Variants in CFAP299 observed in about 807,000 individuals in gnomAD.
The protein encoded by CFAP299 is cilia- and flagella-associated protein 299.
A neutral mutation model predicts 27.0 loss-of-function variants in CFAP299; 21 were observed. The ratio of observed to expected loss-of-function variants is 0.78; its 90% CI spans 0.55 to 1.12. CFAP299 has a LOEUF of 1.12. Among genes scored for constraint, CFAP299 ranks in the 50% most tolerant of loss-of-function variants. CFAP299 has a pLI of 0.00. For missense variants in CFAP299, 310 were observed against 276.6 expected, an observed-to-expected ratio of 1.12 and a Z score of -0.86; for synonymous variants, 104 against 98.1, an observed-to-expected ratio of 1.06 and a Z score of -0.36.
At chr4:80,692,049 A>T (rs1192846460) in intron 3 of CFAP299, among the ~76,000 whole-genome samples, 1 of 152,250 alleles carries the variant, frequency 6.6e-6, no homozygotes, top group East Asian at 1.9e-4. Flanking sequence ...AAAAGAGGAT[A>T]CAAACAAATG....
intron 2 of CFAP299, among the ~76,000 whole-genome samples, chr4:80,511,243 A>G (rs1196583593): frequency 6.6e-6 from 1 of 152,174 alleles, no homozygotes; most frequent in South Asian, 2.1e-4. Flanking sequence ...AGTAATTACA[A>G]AGATGAACTA....
intron 2 of CFAP299, among the ~76,000 whole-genome samples, chr4:80,422,032 T>C (rs559547706): frequency 6.6e-6 from 1 of 152,286 alleles, no homozygotes; most frequent in South Asian, 2.1e-4. Context: ...CTTCATGGGA[T>C]AAAATACGTG....
chr4:80,627,191 T>C (rs1251278308), intron 3 of CFAP299, among the ~76,000 whole-genome samples: 2 of 151,882 alleles, frequency 1.3e-5, no homozygotes, highest in Admixed American at 6.6e-5. Flanking sequence ...GATGGTCCTA[T>C]ATATGCAAAT....
intron 3 of CFAP299, among the ~76,000 whole-genome samples, chr4:80,588,828 C>A (rs1165054283): frequency 1.3e-5 from 2 of 152,102 alleles, no homozygotes; most frequent in African/African-American, 4.8e-5. Context: ...TTCATAAGTG[C>A]TTTATATCCT....
At chr4:80,443,708 G>A (rs924064746) in intron 2 of CFAP299, among the ~76,000 whole-genome samples, 11 of 152,026 alleles carry the variant, frequency 7.2e-5, no homozygotes. Context: ...AAGAAATAAA[G>A]GGTATTCAAA....
intron 3 of CFAP299, among the ~76,000 whole-genome samples, chr4:80,583,641 A>G (rs776704859): frequency 3.3e-5 from 5 of 151,938 alleles, no homozygotes; most frequent in South Asian, 2.1e-4. Flanking sequence ...TGTTATCATT[A>G]TTATTTTGAA....
At chr4:80,624,246 C>G (rs975807900) in intron 3 of CFAP299, among the ~76,000 whole-genome samples, 2 of 151,366 alleles carry the variant, frequency 1.3e-5, no homozygotes, top group Admixed American at 6.6e-5. Context: ...AGAAACAAAT[C>G]AACAAAATGA....
chr4:80,891,786 A>AAT (rs1734300672), intron 4 of CFAP299, among the ~76,000 whole-genome samples: 1 of 99,396 alleles, frequency 1.0e-5, no homozygotes, highest in African/African-American at 7.0e-5. Context: ...ATTAAAAAAA[A>AAT]AATAAAAAAA....
chr4:80,325,373 A>G, the CFAP299 span, among the ~76,000 whole-genome samples: 1 of 152,254 alleles, frequency 6.6e-6, no homozygotes, highest in Non-Finnish European at 1.5e-5. Context: ...ATTTATAACA[A>G]CTTTTCATTT....
At chr4:80,391,863 A>T (rs990292111) in intron 2 of CFAP299, among the ~76,000 whole-genome samples, 5 of 152,166 alleles carry the variant, frequency 3.3e-5, no homozygotes, top group Non-Finnish European at 5.9e-5. Flanking sequence ...AATGTCAGCC[A>T]GTGAAGAAAG....
At chr4:80,633,933 T>C (rs1320543550) in intron 3 of CFAP299, among the ~76,000 whole-genome samples, 1 of 151,632 alleles carries the variant, frequency 6.6e-6, no homozygotes, top group African/African-American at 2.4e-5. Flanking sequence ...AGCCATGGAG[T>C]TATTGCAATA....
chr4:80,791,805 A>C (rs1007690992), intron 3 of CFAP299, among the ~76,000 whole-genome samples: 1 of 151,916 alleles, frequency 6.6e-6, no homozygotes, highest in Non-Finnish European at 1.5e-5. Flanking sequence ...AGGGAAGTTG[A>C]GACCATATTC....
intron 3 of CFAP299, among the ~76,000 whole-genome samples, chr4:80,653,700 A>T (rs1740419715): frequency 6.6e-6 from 1 of 152,180 alleles, no homozygotes; most frequent in African/African-American, 2.4e-5. Flanking sequence ...TATCAAGAAA[A>T]ACTTCATTTT....
chr4:80,780,173 C>T (rs970231998), intron 3 of CFAP299, among the ~76,000 whole-genome samples: 21 of 152,160 alleles, frequency 1.4e-4, no homozygotes, highest in Middle Eastern at 3.4e-3. Context: ...ACAAACTCTA[C>T]GAGGTTTTCT....
chr4:80,364,060 C>A (rs1403618446), intron 2 of CFAP299, among the ~76,000 whole-genome samples: 1 of 105,402 alleles, frequency 9.5e-6, no homozygotes, highest in African/African-American at 6.0e-5. Flanking sequence ...GCACTCCAGC[C>A]TGGGCAACAG....
chr4:80,850,145 C>T (rs1731429625), intron 3 of CFAP299, among the ~76,000 whole-genome samples: 1 of 152,022 alleles, frequency 6.6e-6, no homozygotes, highest in Non-Finnish European at 1.5e-5. Context: ...TATAGCTCAG[C>T]TGTGGCTAAT....
Position 80,390,922 on chromosome 4 carries a change from T to C in CFAP299, c.242+28038T>C, listed in dbSNP as rs538881968. On this transcript the variant is annotated intron_variant, in intron 2 of 5. Transcript: ENST00000358105. ...ATATGCATATATGTATATACACACATATGTATATATGTATATATGTATGTA... is the reference window on the plus strand; with the variant it reads ...ATATGCATATATGTATATACACACACATGTATATATGTATATATGTATGTA... 7.3e-3 allele frequency among the ~76,000 whole-genome samples: 263 copies of C among 36,238 alleles called. 1 individual carries two copies. Among genetic ancestry groups the C allele is most frequent in the African/African-American group, 0.011 (248 of 21,706 alleles). 23.8% of individuals were successfully genotyped at this position (36,238 alleles called of 152,430 possible).
chr4:80,856,200 G>A (rs942745364), intron 3 of CFAP299, among the ~76,000 whole-genome samples: 1 of 151,192 alleles, frequency 6.6e-6, no homozygotes, highest in Non-Finnish European at 1.5e-5. Context: ...CTGCATAAAT[G>A]TCTTCTTTTG....
chr4:80,481,802 G>A (rs1333963143), intron 2 of CFAP299, among the ~76,000 whole-genome samples: 4 of 151,892 alleles, frequency 2.6e-5, no homozygotes, highest in Non-Finnish European at 4.4e-5. Context: ...ATTATTACCA[G>A]TTAATATATG....
Sources: allele counts gnomAD v4.1 joint callset (sites outside exome capture counted in the v4.1 genomes callset), GRCh38; gene constraint gnomAD v4.1.1; transcripts MANE v1.5; gene names NCBI Gene and HGNC (gene_info 2026-07-23, HGNC 2026-07-21).